Variants in EPHB4 observed in about 807,000 individuals in gnomAD.
EPHB4 encodes the protein ephrin type-B receptor 4.
A neutral mutation model predicts 110.6 loss-of-function variants in EPHB4; 50 were observed. The ratio of observed to expected loss-of-function variants is 0.45; its 90% CI spans 0.36 to 0.57. The LOEUF is 0.57. Ranked by LOEUF, EPHB4 falls within the 20% of genes least tolerant of loss-of-function variation. The pLI, the probability that EPHB4 is intolerant of heterozygous loss-of-function variation, is 0.00. For synonymous variants in EPHB4, 592 were observed against 578.4 expected, an observed-to-expected ratio of 1.02 and a Z score of -0.34; for missense variants, 1,128 against 1,382.1, an observed-to-expected ratio of 0.82 and a Z score of 2.91.
At chr7:100,807,329 TAAG>T in intron 13 of EPHB4, 33 bp downstream of exon 13, 1 of 1,605,994 alleles carries the variant, frequency 6.2e-7, no homozygotes, top group Non-Finnish European at 8.5e-7. Flanking sequence ...CACCTGGCCC[TAAG>T]AAGCTCACAC....
intron 8 of EPHB4, 175 bp from the exon 9 acceptor site, chr7:100,814,196 C>T: frequency 3.2e-6 from 2 of 622,280 alleles, no homozygotes; most frequent in Non-Finnish European, 5.4e-6. Flanking sequence ...GTTTCAAACT[C>T]TCCCCCAGGG....
chr7:100,816,060 G>A (rs939603147), intron 8 of EPHB4, among the ~76,000 whole-genome samples: 2 of 151,904 alleles, frequency 1.3e-5, no homozygotes, highest in Non-Finnish European at 2.9e-5. Context: ...AAGCCGAGGC[G>A]GGTGGATCAG....
At chr7:100,812,604 C>T in intron 12 of EPHB4, 143 bp downstream of exon 12, 2 of 1,199,124 alleles carry the variant, frequency 1.7e-6, no homozygotes, top group Non-Finnish European at 2.3e-6. Context: ...AAAGAAAAGG[C>T]AGAGGACCAG....
chr7:100,821,565 T>G (rs892787692), intron 4 of EPHB4, among the ~76,000 whole-genome samples: 3 of 150,824 alleles, frequency 2.0e-5, no homozygotes, highest in African/African-American at 7.3e-5. Context: ...GAGGCGGAGC[T>G]TGCAGTGAGC....
At chr7:100,824,888 C>G (rs916514253) in intron 1 of EPHB4, 2 of 152,484 alleles carry the variant, frequency 1.3e-5, no homozygotes, top group South Asian at 2.1e-4. Context: ...AGGCTCCCGC[C>G]GAGGCCTCAC....
intron 3 of EPHB4, 147 bp downstream of exon 3, chr7:100,823,497 T>G (rs1813291436): frequency 7.3e-6 from 8 of 1,100,592 alleles, no homozygotes; most frequent in Non-Finnish European, 1.0e-5. Flanking sequence ...GATCACCCCC[T>G]TCCCTCCCCA....
At chr7:100,824,142 C>T in intron 2 of EPHB4, 61 bp downstream of exon 2, 1 of 1,608,740 alleles carries the variant, frequency 6.2e-7, no homozygotes, top group Non-Finnish European at 8.5e-7. Flanking sequence ...GCAGGCGGCA[C>T]AGGCGCCCTC....
At chr7:100,826,705 G>C (rs1008928274) in intron 1 of EPHB4, 4 of 378,026 alleles carry the variant, frequency 1.1e-5, no homozygotes. Flanking sequence ...AGGGGCGTAT[G>C]TAATCAGCAG....
intron 7 of EPHB4, among the ~76,000 whole-genome samples, chr7:100,817,670 A>G (rs1196962341): frequency 6.6e-6 from 1 of 151,878 alleles, no homozygotes; most frequent in Non-Finnish European, 1.5e-5. Context: ...CTGGGATTAC[A>G]GGGGCCCGCC....
intron 12 of EPHB4, among the ~76,000 whole-genome samples, chr7:100,809,454 C>T (rs1452626079): frequency 3.3e-5 from 5 of 152,150 alleles, no homozygotes; most frequent in East Asian, 3.9e-4. Flanking sequence ...AGCGGGTTCC[C>T]GTCACACTGC....
chr7:100,827,120 T>TACTCCGCGCGGG lies in EPHB4; in HGVS notation c.-102_-91dup. ...CTCTCCCTGGGCGGGTGGACGCCGATACTCCGCGCGGGACTCCTCGTCGGG... is the reference window on the plus strand; with the variant it reads ...CTCTCCCTGGGCGGGTGGACGCCGATACTCCGCGCGGGACTCCGCGCGGGACTCCTCGTCGGG... On this transcript the variant is annotated 5_prime_UTR_variant, in exon 1 of 17. Transcript: ENST00000358173. 1 of 1,411,152 alleles carries TACTCCGCGCGGG rather than the reference T, an allele frequency of 7.1e-7. No homozygotes were observed. The highest frequency in any genetic ancestry group is 9.6e-7 in the Non-Finnish European group (1 of 1,039,474). The allele number at this position is 1,411,152 out of a possible 1,614,324, so 87.4% of individuals were successfully genotyped here. A position where few individuals can be genotyped will look rare whatever the true frequency, so the allele number is the denominator to read the frequency against.
rs1054797203 is a variant in EPHB4 at position 100,803,142 on chromosome 7, G to A, written c.*319C>T. The A allele has an allele frequency of 1.0e-5, 2 of 200,724 alleles. No individual in the cohort carries two copies. Among genetic ancestry groups the A allele is most frequent in the Non-Finnish European group, 2.0e-5 (2 of 99,946 alleles). 12.4% of individuals were successfully genotyped at this position (200,724 alleles called of 1,614,324 possible). A position where few individuals can be genotyped will look rare whatever the true frequency, so the allele number is the denominator to read the frequency against. On this transcript the variant is annotated 3_prime_UTR_variant, in exon 17 of 17. Transcript: ENST00000358173. Reference sequence around the variant, plus strand: ...GGGAGTCACACTCTCTTTGGTCTGCGGGAACGCACCCATCAAGGTGAGGGG... The same window carrying A: ...GGGAGTCACACTCTCTTTGGTCTGCAGGAACGCACCCATCAAGGTGAGGGG...
Position 100,803,445 on chromosome 7 carries a change from G to T in EPHB4, c.*16C>A. On this transcript the variant is annotated 3_prime_UTR_variant, in exon 17 of 17. Coordinates refer to ENST00000358173, the MANE Select transcript of EPHB4 (RefSeq NM_004444.5). ...AATGGGGAGGCGGTGTCCCTGGGGT[G>T]GGGAGTTCCTGCAGGTCAGTACTGC... is the stretch of plus-strand genomic sequence containing the variant. 5 of 1,537,684 alleles carry T rather than the reference G, an allele frequency of 3.3e-6. No individual in the cohort carries two copies. The highest frequency in any genetic ancestry group is 4.4e-6 in the Non-Finnish European group (5 of 1,132,206).
chr7:100,819,809 A>T lies in EPHB4; in HGVS notation c.1045T>A (p.Ser349Thr). The change falls in exon 6 of 17, where the codon TCT (serine) becomes ACT (threonine). Residue 349 changes from serine to threonine, a missense_variant. Physicochemically the swap from Ser to Thr is moderately conservative, Grantham distance 58. This residue lies in a region of EPHB4 where 728 missense variants were observed against 828.6 expected (regional missense o/e 0.88). Coordinates refer to ENST00000358173, the MANE Select transcript of EPHB4 (RefSeq NM_004444.5). ...TAGGTGAGGTCCTCTCGGCCACCAG[A>T]CTCCAGGGGGGCACTCCATTCCAGG... is the stretch of plus-strand genomic sequence containing the variant. ...LHLEWSAPLE[S>T]GGREDLTYAL... The T allele has an allele frequency of 6.4e-7, 1 of 1,562,824 alleles. No individual in the cohort carries two copies. Among genetic ancestry groups the T allele is most frequent in the African/African-American group, 1.4e-5 (1 of 73,570 alleles).
intron 8 of EPHB4, among the ~76,000 whole-genome samples, chr7:100,815,615 AC>A (rs893869018): frequency 2.0e-5 from 3 of 152,240 alleles, no homozygotes; most frequent in Admixed American, 6.5e-5. Flanking sequence ...TCGATTGTAC[AC>A]TTTGAACAGG....
chr7:100,812,899 G>A lies in EPHB4; in HGVS notation c.1966C>T (p.Arg656Trp), dbSNP rs745584371. ...IKTLKGGYTE[R>W]QRREFLSEAS... ...TCGCTCAGAAACTCACGCCGCTGCC[G>A]CTCCGTGTAGCCACCCTTCAGGGTC... is the stretch of plus-strand genomic sequence containing the variant. Residue 656 changes from arginine to tryptophan, a missense_variant, in exon 12 of 17, where the codon CGG (arginine) becomes TGG (tryptophan). By Grantham distance (101) the Arg-to-Trp change is moderately radical. Coordinates refer to ENST00000358173, the MANE Select transcript of EPHB4 (RefSeq NM_004444.5). The A allele has an allele frequency of 7.4e-6, 12 of 1,614,190 alleles. No individual in the cohort carries two copies. Among genetic ancestry groups the A allele is most frequent in the South Asian group, 1.1e-5 (1 of 91,088 alleles).
rs1584671281 is a variant in EPHB4 at position 100,827,449 on chromosome 7, G to C, written c.-419C>G. ...GGATGGTGGGAGCCCGAGCGGGGAC[G>C]GAGCGGGAGGGAGGGAGACTGCGGC... On this transcript the variant is annotated 5_prime_UTR_variant, in exon 1 of 17. Transcript: ENST00000358173. 6.6e-6 allele frequency: 1 copy of C among 151,000 alleles called. No individual in the cohort carries two copies. The highest frequency in any genetic ancestry group is 2.0e-4 in the East Asian group (1 of 5,106). The allele number at this position is 151,000 out of a possible 1,614,324, so 9.4% of individuals were successfully genotyped here. A position where few individuals can be genotyped will look rare whatever the true frequency, so the allele number is the denominator to read the frequency against.
At chr7:100,805,989 T>C (rs1225491769) in intron 14 of EPHB4, 2 of 340,422 alleles carry the variant, frequency 5.9e-6, no homozygotes, top group Non-Finnish European at 1.0e-5. Flanking sequence ...AGACAGAGTC[T>C]CGCTCAGTTG....
At chr7:100,823,446 G>A (rs943102203) in intron 3 of EPHB4, among the ~76,000 whole-genome samples, 198 bp downstream of exon 3, 2 of 152,116 alleles carry the variant, frequency 1.3e-5, no homozygotes, top group African/African-American at 2.4e-5. Flanking sequence ...CCTGGGGGCC[G>A]GGCCAGGCAG....
Sources: gnomAD v4.1 joint callset for allele counts (sites outside exome capture counted in the v4.1 genomes callset) on GRCh38, gnomAD v4.1.1 for gene constraint, gnomAD v4.1.1 regional missense constraint, MANE v1.5 for transcripts, NCBI Gene and HGNC (gene_info 2026-07-23, HGNC 2026-07-21) for gene names.